The following MYLK3 variants were observed in gnomAD, a reference collection of about 807,000 sequenced individuals.
MYLK3 encodes the protein MLC kinase.
Under a neutral mutation model 76.3 loss-of-function variants are expected in MYLK3, and 55 were observed. That is an observed-to-expected ratio of 0.72 (90% CI 0.58 to 0.90). The LOEUF (loss-of-function observed/expected upper bound fraction) is 0.90, where lower values mean the gene tolerates loss of function less well. MYLK3 is among the 40% of genes least tolerant of loss of function. The probability of loss-of-function intolerance (pLI) is 0.00; values close to 1 mark genes in which losing one functional copy is unlikely to be tolerated. For missense variants in MYLK3, 973 were observed against 1,053.6 expected, an observed-to-expected ratio of 0.92 and a Z score of 1.06; for synonymous variants, 416 against 425.4, an observed-to-expected ratio of 0.98 and a Z score of 0.27.
chr16:46,739,022 G>T (rs1320493273), intron 2 of MYLK3, among the ~76,000 whole-genome samples: 2 of 152,094 alleles, frequency 1.3e-5, no homozygotes, highest in African/African-American at 4.8e-5. Flanking sequence ...TGTATTTTTA[G>T]TAGAGACAGT....
At chr16:46,751,333 G>A (rs1967121746), upstream of MYLK3, among the ~76,000 whole-genome samples, 1 of 151,978 alleles carries the variant, frequency 6.6e-6, no homozygotes, top group Non-Finnish European at 1.5e-5. Context: ...CTTGAACCTG[G>A]GAGACAGAGG....
Position 46,738,043 on chromosome 16 carries a change from C to T in MYLK3, c.669G>A (p.Pro223=), listed in dbSNP as rs747361214. The change falls in exon 3 of 13, where the codon CCG becomes CCA. Residue 223 remains proline, a synonymous_variant. Coordinates refer to ENST00000394809, the MANE Select transcript of MYLK3 (RefSeq NM_182493.3). ...GADPAQAVVS[P]GQGDGVPGPA... ...GGCCAGGAACACCATCTCCCTGGCC[C>T]GGTGAGACCACTGCCTGGGCGGGGT... is the stretch of plus-strand genomic sequence containing the variant. 3.5e-5 allele frequency: 57 copies of T among 1,610,532 alleles called. No homozygotes were observed. Among genetic ancestry groups the T allele is most frequent in the Middle Eastern group, 1.6e-4 (1 of 6,064 alleles).
At chr16:46,750,230 T>G (rs146468440), upstream of MYLK3, among the ~76,000 whole-genome samples, 892 of 152,236 alleles carry the variant, frequency 5.9e-3, 10 homozygotes, top group African/African-American at 0.021. Context: ...GTCTCAGAAG[T>G]CTAACACACC....
chr16:46,727,343 C>G lies in MYLK3; in HGVS notation c.1807G>C (p.Asp603His). ...AGCTCAGTCAGGTGGTACTTCTCAT[C>G]TGTGATCCGGTCGAAGAGCTCACCC... Reference protein sequence around the residue: ...DGGELFDRITDEKYHLTELDV... With the variant: ...DGGELFDRITHEKYHLTELDV... Residue 603 changes from aspartate (D) to histidine (H), a missense_variant, in exon 8 of 13, where the codon GAT becomes CAT. Asp to His is a moderately conservative substitution (Grantham distance 81, BLOSUM62 -1). This residue lies in a region of MYLK3 where 332 missense variants were observed against 416.6 expected (regional missense o/e 0.80). Coordinates refer to ENST00000394809, the MANE Select transcript of MYLK3 (RefSeq NM_182493.3). The G allele has an allele frequency of 6.2e-7, 1 of 1,613,510 alleles. No individual in the cohort carries two copies. Among genetic ancestry groups the G allele is most frequent in the Non-Finnish European group, 8.5e-7 (1 of 1,179,470 alleles).
intron 7 of MYLK3, among the ~76,000 whole-genome samples, chr16:46,728,616 G>A (rs1214998839): frequency 6.6e-6 from 1 of 152,204 alleles, no homozygotes; most frequent in Non-Finnish European, 1.5e-5. Flanking sequence ...AGCTTCATGG[G>A]AGGCTACAGT....
At chr16:46,762,214 G>A (rs1264515953) in intron 1 of MYLK3, among the ~76,000 whole-genome samples, 2 of 152,138 alleles carry the variant, frequency 1.3e-5, no homozygotes, top group Non-Finnish European at 2.9e-5. Flanking sequence ...CACCTCAAGC[G>A]TATACATAGA....
At chr16:46,744,330 C>CTTT (rs71158891) in intron 1 of MYLK3, among the ~76,000 whole-genome samples, 5,050 of 43,688 alleles carry the variant, frequency 0.12, 1,661 homozygotes, top group East Asian at 0.39. Context: ...CCACACCCAG[C>CTTT]TTTTTTTTTT....
In MYLK3 at chr16:46,729,759, G is replaced by A; in HGVS notation, c.1569-72C>T. ...CCCACACCCATCCCTGGACTTCTGG[G>A]TCCAACTCATCCACACACAGGCCAT... On this transcript the variant is annotated intron_variant, in intron 5 of 12. Transcript: ENST00000394809. 2.2e-6 allele frequency: 3 copies of A among 1,365,294 alleles called. No individual in the cohort carries two copies. In the East Asian group the frequency reaches 6.9e-5, roughly 31 times the overall value. 84.6% of individuals were successfully genotyped at this position (1,365,294 alleles called of 1,614,324 possible).
chr16:46,733,581 G>T (rs749673180), intron 3 of MYLK3, among the ~76,000 whole-genome samples: 41 of 152,292 alleles, frequency 2.7e-4, no homozygotes, highest in Middle Eastern at 3.4e-3. Flanking sequence ...AGCCCAGATG[G>T]AGGTGGGAAA....
intron 8 of MYLK3, chr16:46,726,695 A>AAG (rs1351846849): frequency 2.0e-5 from 3 of 149,320 alleles, no homozygotes; most frequent in Admixed American, 6.7e-5. Flanking sequence ...GAAAGAAAGA[A>AAG]AGAAAGAAAG....
At chr16:46,730,470 C>A in intron 5 of MYLK3, 123 bp downstream of exon 5, 1 of 763,834 alleles carries the variant, frequency 1.3e-6, no homozygotes, top group South Asian at 1.6e-5. Context: ...CCCACCCCAG[C>A]CTTGGCTCCA....
chr16:46,759,629 C>T (rs1192840508), intron 1 of MYLK3, among the ~76,000 whole-genome samples: 5 of 145,860 alleles, frequency 3.4e-5, no homozygotes, highest in Non-Finnish European at 7.6e-5. Context: ...CTTTTCTCCA[C>T]TTTTTTTTTT....
chr16:46,719,410 C>G (rs1163650354), intron 9 of MYLK3, among the ~76,000 whole-genome samples: 2 of 151,976 alleles, frequency 1.3e-5, no homozygotes. Flanking sequence ...ATCCTAGAAG[C>G]TGGGCATACA....
upstream of MYLK3, among the ~76,000 whole-genome samples, chr16:46,751,635 G>A (rs1163353285): frequency 6.6e-6 from 1 of 152,148 alleles, no homozygotes; most frequent in Non-Finnish European, 1.5e-5. Context: ...GCAGGCGGCT[G>A]AGCAGACCGT....
chr16:46,758,315 CTCT>C, intron 1 of MYLK3, among the ~76,000 whole-genome samples: 1 of 49,434 alleles, frequency 2.0e-5, no homozygotes, highest in Non-Finnish European at 3.6e-5. Flanking sequence ...CTCTCTCTCT[CTCT>C]CTCTCTCTCT....
At chr16:46,721,764 G>C (rs1966802310) in intron 8 of MYLK3, among the ~76,000 whole-genome samples, 1 of 152,172 alleles carries the variant, frequency 6.6e-6, no homozygotes, top group African/African-American at 2.4e-5. Context: ...GAATACCTCT[G>C]TGATATATAA....
chr16:46,753,208 C>T (rs1021535233), upstream of MYLK3, among the ~76,000 whole-genome samples: 1 of 152,192 alleles, frequency 6.6e-6, no homozygotes, highest in Non-Finnish European at 1.5e-5. Flanking sequence ...AGGCTTCGGA[C>T]CCCGATACCC....
In MYLK3 at chr16:46,740,061, C is replaced by A. The variant is rs777129890; in HGVS notation, c.564G>T (p.Gly188=). 1 of 1,610,404 alleles carries A rather than the reference C, an allele frequency of 6.2e-7. No individual in the cohort carries two copies. The highest frequency in any genetic ancestry group is 1.7e-5 in the Admixed American group (1 of 59,762). Reference sequence around the variant, plus strand: ...AGCAAATGGGGTCCCACTCACCTTCCCCAGGCTCCCTGGCATCAGACTGCA... The same window carrying A: ...AGCAAATGGGGTCCCACTCACCTTCACCAGGCTCCCTGGCATCAGACTGCA... ...SGVQSDAREP[G]EESQKADVLE... is the part of the protein sequence containing the mutation. Residue 188 remains glycine, a synonymous_variant, in exon 2 of 13, where the codon GGG becomes GGT. Transcript: ENST00000394809.
At position 46,706,191 on chromosome 16, in the gene MYLK3, G is replaced by C. The variant is rs1464307451; in HGVS notation, c.*1513C>G. ...ACTACTAATAGCCTAATGTTGACTG[G>C]AAGCCCTATCAATAATATAAACAGT... is the stretch of plus-strand genomic sequence containing the variant. On this transcript the variant is annotated 3_prime_UTR_variant, in exon 13 of 13. Transcript: ENST00000394809. 1 of 151,778 alleles carries C rather than the reference G, an allele frequency of 6.6e-6. No homozygotes were observed. The highest frequency in any genetic ancestry group is 2.4e-5 in the African/African-American group (1 of 41,264). The allele number at this position is 151,778 out of a possible 1,614,324, so 9.4% of individuals were successfully genotyped here. A position where few individuals can be genotyped will look rare whatever the true frequency, so the allele number is the denominator to read the frequency against.
Sources: gnomAD v4.1 joint callset for allele counts (sites outside exome capture counted in the v4.1 genomes callset) on GRCh38, gnomAD v4.1.1 for gene constraint, gnomAD v4.1.1 regional missense constraint, MANE v1.5 for transcripts, NCBI Gene and HGNC (gene_info 2026-07-23, HGNC 2026-07-21) for gene names.